The following SH3BGRL2 variants were observed in gnomAD, a reference collection of about 807,000 sequenced individuals.
SH3BGRL2 encodes the protein SH3 domain binding glutamate rich protein like 2, also known as SH3 domain-binding glutamic acid-rich-like protein 2.
A neutral mutation model predicts 14.8 loss-of-function variants in SH3BGRL2; 21 were observed. That is an observed-to-expected ratio of 1.42 (90% CI 1.01 to 2.05). The LOEUF (loss-of-function observed/expected upper bound fraction) is 2.05. SH3BGRL2 is among the 30% of genes most tolerant of loss of function. The pLI, the probability that SH3BGRL2 is intolerant of heterozygous loss-of-function variation, is 0.00. For missense variants in SH3BGRL2, 147 were observed against 130.8 expected, an observed-to-expected ratio of 1.12 and a Z score of -0.61; for synonymous variants, 50 against 47.8, an observed-to-expected ratio of 1.05 and a Z score of -0.19.
At chr6:79,651,814 G>GTTTGTGGTGACCGTGGGTATAAGTGA (rs1769302527) in intron 1 of SH3BGRL2, among the ~76,000 whole-genome samples, 1 of 151,918 alleles carries the variant, frequency 6.6e-6, no homozygotes, top group African/African-American at 2.4e-5. Context: ...GGTATAAATG[G>GTTTGTGGTGACCGTGGGTATAAGTGA]GAGTTTGGTG....
At chr6:79,693,202 G>C (rs1220657921) in intron 2 of SH3BGRL2, among the ~76,000 whole-genome samples, 1 of 152,144 alleles carries the variant, frequency 6.6e-6, no homozygotes, top group Non-Finnish European at 1.5e-5. Flanking sequence ...TTTGTACGTT[G>C]GTTTTGTATC....
intron 1 of SH3BGRL2, among the ~76,000 whole-genome samples, chr6:79,670,393 T>C (rs1328564470): frequency 6.6e-6 from 1 of 152,248 alleles, no homozygotes; most frequent in African/African-American, 2.4e-5. Flanking sequence ...TCCTTTTAGA[T>C]AACCTGCCTG....
the SH3BGRL2 span, among the ~76,000 whole-genome samples, chr6:79,611,368 T>G: frequency 7.2e-5 from 11 of 152,088 alleles, no homozygotes; most frequent in African/African-American, 2.2e-4. Flanking sequence ...TAATGAAGGT[T>G]AAATCAATTG....
At chr6:79,658,047 G>A (rs920933859) in intron 1 of SH3BGRL2, among the ~76,000 whole-genome samples, 19 of 152,134 alleles carry the variant, frequency 1.2e-4, no homozygotes, top group African/African-American at 4.3e-4. Flanking sequence ...CTTTTTGATC[G>A]GTTCTAAAAT....
the SH3BGRL2 span, among the ~76,000 whole-genome samples, chr6:79,566,209 C>T: frequency 6.6e-6 from 1 of 152,094 alleles, no homozygotes; most frequent in African/African-American, 2.4e-5. Context: ...CAGTACCTAC[C>T]AGATTCTGAA....
the SH3BGRL2 span, among the ~76,000 whole-genome samples, chr6:79,556,939 A>G: frequency 6.6e-6 from 1 of 152,012 alleles, no homozygotes; most frequent in African/African-American, 2.4e-5. Flanking sequence ...TTCTTAAAAT[A>G]TATGTTCTGA....
At chr6:79,567,875 A>G in the SH3BGRL2 span, among the ~76,000 whole-genome samples, 1 of 152,324 alleles carries the variant, frequency 6.6e-6, no homozygotes, top group South Asian at 2.1e-4. Context: ...AGTATTCTCT[A>G]TATTTTTATA....
chr6:79,678,887 G>C (rs1403735522), intron 2 of SH3BGRL2, among the ~76,000 whole-genome samples: 1 of 152,172 alleles, frequency 6.6e-6, no homozygotes, highest in Non-Finnish European at 1.5e-5. Flanking sequence ...TTCTGTTCCT[G>C]TGTTAATTTG....
chr6:79,631,357 C>A lies in SH3BGRL2; in HGVS notation c.-105C>A. The A allele has an allele frequency of 9.4e-7, 1 of 1,064,456 alleles. No homozygotes were observed. The highest frequency in any genetic ancestry group is 1.3e-6 in the Non-Finnish European group (1 of 792,942). The allele number at this position is 1,064,456 out of a possible 1,614,324, so 65.9% of individuals were successfully genotyped here. A position where few individuals can be genotyped will look rare whatever the true frequency, so the allele number is the denominator to read the frequency against. On this transcript the variant is annotated 5_prime_UTR_variant, in exon 1 of 4. Coordinates refer to ENST00000369838, the MANE Select transcript of SH3BGRL2 (RefSeq NM_031469.4). Reference sequence around the variant, plus strand: ...TCCCAGCGATCTTCCCCGACGGCAGCGCTTTACCCAGAGGCTGCCGGCGGC... The same window carrying A: ...TCCCAGCGATCTTCCCCGACGGCAGAGCTTTACCCAGAGGCTGCCGGCGGC...
At chr6:79,585,080 A>G in the SH3BGRL2 span, among the ~76,000 whole-genome samples, 4 of 151,954 alleles carry the variant, frequency 2.6e-5, no homozygotes. Flanking sequence ...AACAAAGGAT[A>G]ATTTTAAATA....
the SH3BGRL2 span, among the ~76,000 whole-genome samples, chr6:79,624,864 T>C: frequency 6.6e-6 from 1 of 152,048 alleles, no homozygotes; most frequent in Admixed American, 6.6e-5. Context: ...TGAGGGGGAA[T>C]GTGAACTGAT....
At chr6:79,632,681 A>C (rs1582710274) in intron 1 of SH3BGRL2, among the ~76,000 whole-genome samples, 1 of 152,332 alleles carries the variant, frequency 6.6e-6, no homozygotes, top group Non-Finnish European at 1.5e-5. Flanking sequence ...GAAACAATAG[A>C]TGGGAAAATC....
the SH3BGRL2 span, among the ~76,000 whole-genome samples, chr6:79,585,044 CTTT>C: frequency 2.1e-3 from 289 of 134,968 alleles, 2 homozygotes; most frequent in African/African-American, 6.1e-3. Context: ...CAAAACCCAC[CTTT>C]TTTTTTTAAA....
At chr6:79,593,380 A>G in the SH3BGRL2 span, among the ~76,000 whole-genome samples, 1 of 152,204 alleles carries the variant, frequency 6.6e-6, no homozygotes, top group Non-Finnish European at 1.5e-5. Flanking sequence ...GGGACAAGGT[A>G]ACATGGGCCA....
the SH3BGRL2 span, among the ~76,000 whole-genome samples, chr6:79,588,488 A>G: frequency 6.6e-6 from 1 of 152,130 alleles, no homozygotes; most frequent in Non-Finnish European, 1.5e-5. Flanking sequence ...TGGGAAATGT[A>G]TGCCCTGCTT....
intron 1 of SH3BGRL2, among the ~76,000 whole-genome samples, chr6:79,649,752 A>G (rs1312687542): frequency 6.6e-6 from 1 of 152,090 alleles, no homozygotes; most frequent in East Asian, 1.9e-4. Flanking sequence ...GCCTCTGTTA[A>G]TGCCAATTTC....
intron 2 of SH3BGRL2, among the ~76,000 whole-genome samples, chr6:79,684,409 A>G (rs1770053059): frequency 6.6e-6 from 1 of 152,040 alleles, no homozygotes; most frequent in Non-Finnish European, 1.5e-5. Flanking sequence ...CTTTGCCTTC[A>G]GTTGGTTTCC....
intron 1 of SH3BGRL2, among the ~76,000 whole-genome samples, chr6:79,653,865 G>A (rs1474906197): frequency 6.6e-6 from 1 of 152,180 alleles, no homozygotes; most frequent in Non-Finnish European, 1.5e-5. Context: ...TGTCCCGCTG[G>A]CTAGCTCAAG....
At chr6:79,590,873 T>C in the SH3BGRL2 span, among the ~76,000 whole-genome samples, 1 of 152,204 alleles carries the variant, frequency 6.6e-6, no homozygotes, top group Non-Finnish European at 1.5e-5. Flanking sequence ...TGTGGAATAT[T>C]TTGACACAAA....
Sources: gnomAD v4.1 joint callset for allele counts (sites outside exome capture counted in the v4.1 genomes callset) on GRCh38, gnomAD v4.1.1 for gene constraint, MANE v1.5 for transcripts, NCBI Gene and HGNC (gene_info 2026-07-23, HGNC 2026-07-21) for gene names.